TMEM132B: variants seen among roughly 807,000 people sequenced by gnomAD.
The protein encoded by TMEM132B is transmembrane protein 132B.
TMEM132B carries 18 observed loss-of-function variants against 90.8 expected under a neutral mutation model. That is an observed-to-expected ratio of 0.20 (90% CI 0.14 to 0.29). The LOEUF (loss-of-function observed/expected upper bound fraction) is 0.29. Among genes scored for constraint, TMEM132B ranks in the 10% least tolerant of loss-of-function variants. The pLI is 1.00. For missense variants in TMEM132B, 1,096 were observed against 1,326.8 expected (o/e 0.83, Z 2.70); for synonymous variants, 504 against 523.3 (o/e 0.96, Z 0.50).
intron 4 of TMEM132B, among the ~76,000 whole-genome samples, chr12:125,554,633 T>C (rs567870257): frequency 1.3e-3 from 205 of 152,198 alleles, no homozygotes; most frequent in African/African-American, 4.9e-3. Context: ...ATCCCTTTAA[T>C]GTGAGGTTTC....
At chr12:125,398,982 G>A (rs1480476916) in intron 2 of TMEM132B, among the ~76,000 whole-genome samples, 16 of 152,172 alleles carry the variant, frequency 1.1e-4, no homozygotes. Flanking sequence ...GTATGGCTGA[G>A]AGCCCTGGAT....
chr12:125,356,897 C>T (rs528401977), intron 2 of TMEM132B, among the ~76,000 whole-genome samples: 10 of 152,212 alleles, frequency 6.6e-5, no homozygotes, highest in Non-Finnish European at 1.2e-4. Context: ...GGCCTCTTGC[C>T]CTGTCCTGAT....
chr12:125,650,875 G>A lies in TMEM132B; in HGVS notation c.1836G>A (p.Lys612=). The part of the protein sequence containing the change: ...DITDLVTEFM[K]VEEPKIAQLQ... The stretch of plus-strand genomic sequence containing the variant: ...CTGACCTTGTGACCGAGTTCATGAA[G>A]GTGGAGGAGCCGAAAATCGCTCAGT... Residue 612 remains lysine (K), a synonymous_variant, in exon 7 of 9, where the codon AAG becomes AAA. Coordinates refer to ENST00000682704, the MANE Select transcript of TMEM132B (RefSeq NM_001366854.1). 6.2e-7 allele frequency: 1 copy of A among 1,614,072 alleles called. No homozygotes were observed. Among genetic ancestry groups the A allele is most frequent in the Non-Finnish European group, 8.5e-7 (1 of 1,180,040 alleles).
intron 4 of TMEM132B, among the ~76,000 whole-genome samples, chr12:125,562,545 G>A (rs901548510): frequency 2.6e-5 from 4 of 152,172 alleles, no homozygotes; most frequent in Non-Finnish European, 5.9e-5. Context: ...AGTGAGAGAT[G>A]TGGGACTCTT....
intron 3 of TMEM132B, among the ~76,000 whole-genome samples, chr12:125,424,845 G>A (rs1880269523): frequency 6.6e-6 from 1 of 152,178 alleles, no homozygotes; most frequent in Non-Finnish European, 1.5e-5. Flanking sequence ...AAGGAGAGGA[G>A]GAGGGGAGGA....
intron 3 of TMEM132B, among the ~76,000 whole-genome samples, chr12:125,423,486 C>T (rs981239567): frequency 2.0e-5 from 3 of 152,168 alleles, no homozygotes; most frequent in African/African-American, 7.2e-5. Context: ...AGGACTCCTC[C>T]CTGACCCCTT....
intron 4 of TMEM132B, among the ~76,000 whole-genome samples, chr12:125,545,083 T>TG (rs1221595850): frequency 6.6e-6 from 1 of 152,040 alleles, no homozygotes; most frequent in Admixed American, 6.6e-5. Context: ...TCCAGGTCTG[T>TG]GGGGGAAACC....
At chr12:125,608,395 G>C (rs373729195) in intron 5 of TMEM132B, among the ~76,000 whole-genome samples, 1 of 152,114 alleles carries the variant, frequency 6.6e-6, no homozygotes, top group African/African-American at 2.4e-5. Flanking sequence ...GTCTATTGAG[G>C]TCCTTGCCCA....
intron 1 of TMEM132B, among the ~76,000 whole-genome samples, chr12:125,330,340 T>C: frequency 6.6e-6 from 1 of 151,410 alleles, no homozygotes; most frequent in African/African-American, 2.4e-5. Flanking sequence ...TTTCTTTTTT[T>C]TTTTTTTTTT....
intron 1 of TMEM132B, among the ~76,000 whole-genome samples, chr12:125,344,689 A>C (rs1190668378): frequency 1.3e-5 from 2 of 152,088 alleles, no homozygotes; most frequent in Admixed American, 6.6e-5. Context: ...AGGGAACTAC[A>C]TTGGCATGAG....
At chr12:125,637,834 G>A (rs1345784847) in intron 5 of TMEM132B, among the ~76,000 whole-genome samples, 1 of 152,334 alleles carries the variant, frequency 6.6e-6, no homozygotes, top group East Asian at 1.9e-4. Context: ...AAGCACATCA[G>A]TGGTTGCCTG....
intron 2 of TMEM132B, among the ~76,000 whole-genome samples, chr12:125,413,303 C>T (rs1019332089): frequency 4.6e-5 from 7 of 152,070 alleles, no homozygotes; most frequent in African/African-American, 1.4e-4. Flanking sequence ...GGTCATTTTT[C>T]ACCTGTGGTT....
At chr12:125,282,689 G>C (rs12318327) in intron 1 of TMEM132B, among the ~76,000 whole-genome samples, 1 of 152,150 alleles carries the variant, frequency 6.6e-6, no homozygotes, top group African/African-American at 2.4e-5. Context: ...TAGGGCTCCC[G>C]GTGCTGCTGC....
chr12:125,206,296 T>C (rs901950892), intron 1 of TMEM132B, among the ~76,000 whole-genome samples: 5 of 152,062 alleles, frequency 3.3e-5, no homozygotes, highest in African/African-American at 9.7e-5. Context: ...TGGAGTGCAG[T>C]GGTGCAATCT....
intron 1 of TMEM132B, among the ~76,000 whole-genome samples, chr12:125,188,492 T>A (rs1957772938): frequency 6.6e-6 from 1 of 152,202 alleles, no homozygotes; most frequent in Admixed American, 6.5e-5. Flanking sequence ...TCAGAGAAGC[T>A]GCCTGCATAA....
intron 1 of TMEM132B, among the ~76,000 whole-genome samples, chr12:125,193,101 C>T (rs568597568): frequency 3.9e-5 from 6 of 152,296 alleles, no homozygotes; most frequent in Admixed American, 3.9e-4. Context: ...GAAGGGCTGA[C>T]TGGGGACACA....
intron 5 of TMEM132B, among the ~76,000 whole-genome samples, chr12:125,611,213 A>T: frequency 1.3e-5 from 2 of 151,434 alleles, no homozygotes; most frequent in South Asian, 2.1e-4. Flanking sequence ...TTTATCTACA[A>T]CTCGTTTTTA....
chr12:125,199,681 C>T (rs1873010155), intron 1 of TMEM132B, among the ~76,000 whole-genome samples: 1 of 152,166 alleles, frequency 6.6e-6, no homozygotes, highest in Admixed American at 6.6e-5. Context: ...GAATCTGTTC[C>T]ATGAAGTACT....
At chr12:125,187,338 G>A (rs1957766060) in intron 1 of TMEM132B, among the ~76,000 whole-genome samples, 1 of 152,186 alleles carries the variant, frequency 6.6e-6, no homozygotes, top group African/African-American at 2.4e-5. Context: ...CTCGGCCGGC[G>A]CTGTCTGGCT....
Sources: allele counts gnomAD v4.1 joint callset (sites outside exome capture counted in the v4.1 genomes callset), GRCh38; gene constraint gnomAD v4.1.1; transcripts MANE v1.5; gene names NCBI Gene and HGNC (gene_info 2026-07-23, HGNC 2026-07-21).